SEMA3A: variants seen among roughly 807,000 people sequenced by gnomAD.
SEMA3A encodes the protein semaphorin 3A.
Under a neutral mutation model 97.9 loss-of-function variants are expected in SEMA3A, and 29 were observed. The ratio of observed to expected loss-of-function variants is 0.30; its 90% CI spans 0.22 to 0.40. The LOEUF (loss-of-function observed/expected upper bound fraction) is 0.40, where lower values mean the gene tolerates loss of function less well. Among genes scored for constraint, SEMA3A ranks in the 10% least tolerant of loss-of-function variants. SEMA3A has a pLI of 1.00. For synonymous variants in SEMA3A, 321 were observed against 323.7 expected (o/e 0.99, Z 0.09); for missense variants, 763 against 951.3 (o/e 0.80, Z 2.60).
chr7:83,969,937 A>G lies in SEMA3A; in HGVS notation c.1718-6590T>C, dbSNP rs79131141. On this transcript the variant is annotated intron_variant, in intron 15 of 16. Transcript: ENST00000265362. ...TTTGTGGGCTTCCAGAAAGAAAGCA[A>G]TCTCATTTTAAATCATTTCTAAATA... is the stretch of plus-strand genomic sequence containing the variant. Among the ~76,000 whole-genome samples the G allele has an allele frequency of 7.8e-3, 1,193 of 152,300 alleles. 19 individuals are homozygous for G. Among genetic ancestry groups the G allele is most frequent in the African/African-American group, 0.027 (1,108 of 41,586 alleles).
chr7:84,277,469 G>T (rs922404653), intron 3 of SEMA3A, among the ~76,000 whole-genome samples: 1 of 152,010 alleles, frequency 6.6e-6, no homozygotes, highest in South Asian at 2.1e-4. Flanking sequence ...ACATACTTTC[G>T]ACGGAAAGAA....
At chr7:84,449,627 C>T (rs1372228149) in intron 1 of SEMA3A, among the ~76,000 whole-genome samples, 1 of 152,054 alleles carries the variant, frequency 6.6e-6, no homozygotes, top group Non-Finnish European at 1.5e-5. Context: ...CAGTAAATTG[C>T]CTCACACAAT....
intron 3 of SEMA3A, among the ~76,000 whole-genome samples, chr7:84,244,093 T>C (rs1010180809): frequency 2.6e-5 from 4 of 152,204 alleles, no homozygotes; most frequent in African/African-American, 9.6e-5. Context: ...TGGAGAGTCC[T>C]GTAGCTGTCT....
At chr7:84,318,369 A>C (rs34808441) in intron 2 of SEMA3A, among the ~76,000 whole-genome samples, 4,506 of 122,110 alleles carry the variant, frequency 0.037, 82 homozygotes, top group Middle Eastern at 0.095. Context: ...GTCGCCCAGG[A>C]TGGAGTGCAG....
rs556403014 is a variant in SEMA3A at position 84,217,198 on chromosome 7, T to C, written c.-82-22530A>G. 5.3e-5 allele frequency among the ~76,000 whole-genome samples: 8 copies of C among 152,318 alleles called. No homozygotes were observed. The East Asian group carries it at 1.5e-3, about 29-fold the overall frequency. ...AATGCCTCTCTTTGATAGACTTAGATGGGAATTTAAATTTCATTCATAAGT... is the reference window on the plus strand; with the variant it reads ...AATGCCTCTCTTTGATAGACTTAGACGGGAATTTAAATTTCATTCATAAGT... On this transcript the variant is annotated intron_variant, in intron 3 of 3. Coordinates refer to the SEMA3A transcript ENST00000424555.
intron 4 of SEMA3A, among the ~76,000 whole-genome samples, chr7:84,110,106 G>C (rs906091714): frequency 6.6e-6 from 1 of 152,206 alleles, no homozygotes; most frequent in Non-Finnish European, 1.5e-5. Flanking sequence ...AAAACAACTG[G>C]GTGGCAGACA....
rs372408593 is a variant in SEMA3A at position 84,392,863 on chromosome 7, G to A, written c.-245-20963C>T. Among the ~76,000 whole-genome samples, 107 of 152,038 alleles carry A rather than the reference G, an allele frequency of 7.0e-4. 1 individual carries two copies. The highest frequency in any genetic ancestry group is 2.4e-3 in the African/African-American group (99 of 41,498). On this transcript the variant is annotated intron_variant, in intron 1 of 3. Coordinates refer to the SEMA3A transcript ENST00000424555. The stretch of plus-strand genomic sequence containing the variant: ...CTTCTTTTGAGAAATGTCTATGTAG[G>A]TCCTTTATTCATTTCTTAATCAGAT...
intron 2 of SEMA3A, among the ~76,000 whole-genome samples, chr7:84,328,847 G>A (rs1484906099): frequency 1.3e-5 from 2 of 151,950 alleles, no homozygotes; most frequent in Non-Finnish European, 2.9e-5. Flanking sequence ...GAAAAGAAAT[G>A]CAATAATTTA....
chr7:84,337,818 C>T (rs1453163828), intron 2 of SEMA3A, among the ~76,000 whole-genome samples: 7 of 151,904 alleles, frequency 4.6e-5, no homozygotes, highest in South Asian at 2.1e-4. Context: ...ACATGTAGCC[C>T]CAAAGCATTC....
intron 5 of SEMA3A, among the ~76,000 whole-genome samples, chr7:84,060,152 T>C (rs966910818): frequency 1.3e-5 from 2 of 152,154 alleles, no homozygotes; most frequent in Admixed American, 6.6e-5. Context: ...GTAATATGTA[T>C]ATTAGGATGA....
chr7:84,059,214 T>C (rs1793118511), intron 5 of SEMA3A, among the ~76,000 whole-genome samples: 2 of 152,130 alleles, frequency 1.3e-5, no homozygotes, highest in African/African-American at 4.8e-5. Flanking sequence ...ATAGGAAAAT[T>C]GTAAGTGTGC....
intron 2 of SEMA3A, among the ~76,000 whole-genome samples, chr7:84,315,268 T>G (rs1801467839): frequency 2.0e-5 from 3 of 152,154 alleles, no homozygotes; most frequent in African/African-American, 7.2e-5. Context: ...CCTCCAGATT[T>G]TTTTAACTCT....
At chr7:84,181,164 T>G (rs1797724237) in intron 1 of SEMA3A, among the ~76,000 whole-genome samples, 1 of 151,952 alleles carries the variant, frequency 6.6e-6, no homozygotes, top group Admixed American at 6.6e-5. Context: ...GTGTATGTTG[T>G]CTAGTAACAG....
chr7:84,491,652 A>C (rs1248927924), intron 1 of SEMA3A, among the ~76,000 whole-genome samples: 2 of 152,162 alleles, frequency 1.3e-5, no homozygotes, highest in East Asian at 3.9e-4. Flanking sequence ...CCAAGTAAAA[A>C]TCAGAGTAGG....
At chr7:83,983,346 C>T (rs1450220538) in intron 13 of SEMA3A, among the ~76,000 whole-genome samples, 1 of 151,884 alleles carries the variant, frequency 6.6e-6, no homozygotes, top group East Asian at 1.9e-4. Context: ...TCAATCCATA[C>T]ATTGTGTTTG....
chr7:84,468,228 A>C (rs908496021), intron 1 of SEMA3A, among the ~76,000 whole-genome samples: 4 of 152,172 alleles, frequency 2.6e-5, no homozygotes, highest in Non-Finnish European at 5.9e-5. Context: ...TGCATTTCTT[A>C]CTTGTGCAAA....
At chr7:84,457,924 AT>A (rs1805726124) in intron 1 of SEMA3A, among the ~76,000 whole-genome samples, 1 of 152,012 alleles carries the variant, frequency 6.6e-6, no homozygotes. Context: ...AGATAAACAA[AT>A]AAATGTATTA....
chr7:84,226,810 T>C (rs1479786449), intron 3 of SEMA3A, among the ~76,000 whole-genome samples: 2 of 152,084 alleles, frequency 1.3e-5, no homozygotes, highest in African/African-American at 2.4e-5. Flanking sequence ...AAACATCTAG[T>C]AGAAATGACA....
chr7:84,476,022 A>G (rs889621428), intron 1 of SEMA3A, among the ~76,000 whole-genome samples: 1 of 152,164 alleles, frequency 6.6e-6, no homozygotes, highest in Admixed American at 6.5e-5. Flanking sequence ...AAAGTTTTAT[A>G]TTTCCTTAGA....
Sources: allele counts gnomAD v4.1 joint callset (sites outside exome capture counted in the v4.1 genomes callset), GRCh38; gene constraint gnomAD v4.1.1; transcripts MANE v1.5; gene names NCBI Gene and HGNC (gene_info 2026-07-23, HGNC 2026-07-21).